The following DNAL4 variants were observed in gnomAD, a reference collection of about 807,000 sequenced individuals.
The protein encoded by DNAL4 is dynein axonemal light chain 4.
Under a neutral mutation model 12.6 loss-of-function variants are expected in DNAL4, and 10 were observed. The ratio of observed to expected loss-of-function variants is 0.79; its 90% CI spans 0.49 to 1.34. The LOEUF (loss-of-function observed/expected upper bound fraction) is 1.34. Among genes scored for constraint, DNAL4 ranks in the 40% most tolerant of loss-of-function variants. DNAL4 has a pLI of 0.00. For synonymous variants in DNAL4, 46 were observed against 53.1 expected (o/e 0.87, Z 0.58); for missense variants, 128 against 138.1 (o/e 0.93, Z 0.37).
intron 2 of DNAL4, among the ~76,000 whole-genome samples, chr22:38,781,823 A>C (rs1230790919): frequency 6.6e-6 from 1 of 152,062 alleles, no homozygotes; most frequent in Admixed American, 6.5e-5. Context: ...GGAACACCCT[A>C]AACCCGACCG....
intron 1 of DNAL4, among the ~76,000 whole-genome samples, chr22:38,791,682 G>A (rs1271660362): frequency 1.4e-5 from 2 of 139,546 alleles, no homozygotes; most frequent in Non-Finnish European, 3.1e-5. Flanking sequence ...GTGAGCCACT[G>A]CGCCCAGCCT....
chr22:38,793,791 G>C (rs934025456), intron 1 of DNAL4, among the ~76,000 whole-genome samples: 1 of 152,028 alleles, frequency 6.6e-6, no homozygotes, highest in Non-Finnish European at 1.5e-5. Context: ...GCTAAAGGGG[G>C]ACGCGGGACC....
At chr22:38,784,985 C>CCGG (rs916672424) in intron 1 of DNAL4, among the ~76,000 whole-genome samples, 3 of 150,428 alleles carry the variant, frequency 2.0e-5, no homozygotes, top group Admixed American at 2.0e-4. Flanking sequence ...ACCCCCCCCC[C>CCGG]CATCCAATGA....
Position 38,779,393 on chromosome 22 carries a change from A to C in DNAL4, c.*56T>G, listed in dbSNP as rs1282234768. ...CAGGACCTGCCTAGGGCTGCTCCCC[A>C]CCCCAGATGAGTGGCAGGAAAAGGC... is the stretch of plus-strand genomic sequence containing the variant. On this transcript the variant is annotated 3_prime_UTR_variant, in exon 4 of 4. Transcript: ENST00000216068. The surrounding 1 kb of genome is among the most constrained non-coding windows in gnomAD (Gnocchi z 4.3). 3 of 1,524,310 alleles carry C rather than the reference A, an allele frequency of 2.0e-6. No homozygotes were observed. The African/African-American group carries it at 4.2e-5, about 21-fold the overall frequency. 94.4% of individuals were successfully genotyped at this position (1,524,310 alleles called of 1,614,324 possible).
chr22:38,787,240 CT>C (rs1280987357), intron 1 of DNAL4, among the ~76,000 whole-genome samples: 1 of 150,596 alleles, frequency 6.6e-6, no homozygotes, highest in African/African-American at 2.4e-5. Flanking sequence ...TTCTTTCTTT[CT>C]TTCTTTTTTT....
intron 1 of DNAL4, chr22:38,785,955 C>A (rs2093041584): frequency 6.6e-6 from 1 of 152,176 alleles, no homozygotes; most frequent in South Asian, 2.1e-4. Context: ...AGGGCCCTGA[C>A]TACAAAGAGC....
intron 1 of DNAL4, among the ~76,000 whole-genome samples, chr22:38,787,537 T>C (rs888980406): frequency 2.0e-5 from 3 of 152,148 alleles, no homozygotes; most frequent in Non-Finnish European, 4.4e-5. Context: ...CCACTGCACC[T>C]GGCAGCCTCA....
chr22:38,782,658 C>T lies in DNAL4; in HGVS notation c.69+5G>A. ...GCAGTCCTGCCTCCCTCCCCTGGGG[C>T]TTACCCTGACCAGAGGGAAGGTCTG... On this transcript the variant is annotated splice_donor_5th_base_variant and intron_variant, in intron 2 of 3. Transcript: ENST00000216068. This position sits in a 1 kb window ranked among gnomAD's most constrained non-coding sequence, Gnocchi z 5.1. 6.2e-7 allele frequency: 1 copy of T among 1,613,068 alleles called. No individual in the cohort carries two copies. The highest frequency in any genetic ancestry group is 8.5e-7 in the Non-Finnish European group (1 of 1,179,750).
intron 3 of DNAL4, 116 bp downstream of exon 3, chr22:38,780,810 G>T: frequency 9.9e-7 from 1 of 1,008,230 alleles, no homozygotes; most frequent in Non-Finnish European, 1.5e-6. Context: ...TCCAAGGAAG[G>T]CTCTGGCCTC....
chr22:38,782,716 C>T lies in DNAL4; in HGVS notation c.16G>A (p.Gly6Arg), dbSNP rs150096420. 22 of 1,613,386 alleles carry T rather than the reference C, an allele frequency of 1.4e-5. No homozygotes were observed. The highest frequency in any genetic ancestry group is 2.2e-5 in the East Asian group (1 of 44,766). The change falls in exon 2 of 4, where the codon GGG becomes AGG. Residue 6 changes from glycine to arginine, a missense_variant. Coordinates refer to ENST00000216068, the MANE Select transcript of DNAL4 (RefSeq NM_005740.3). The surrounding 1 kb of genome is among the most constrained non-coding windows in gnomAD (Gnocchi z 5.1). Reference sequence around the variant, plus strand: ...TTATAATCAGCCTCATCTTTCTTCCCTTCTGTTTCTCCCATGATCCTTCCA... The same window carrying T: ...TTATAATCAGCCTCATCTTTCTTCCTTTCTGTTTCTCCCATGATCCTTCCA... MGETEGKKDEADYKRL... is the reference protein window; with the variant it reads MGETERKKDEADYKRL...
chr22:38,782,641 G>T lies in DNAL4; in HGVS notation c.69+22C>A. 2 of 1,611,766 alleles carry T rather than the reference G, an allele frequency of 1.2e-6. No individual in the cohort carries two copies. Among genetic ancestry groups the T allele is most frequent in the Non-Finnish European group, 1.7e-6 (2 of 1,179,290 alleles). On this transcript the variant is annotated intron_variant, in intron 2 of 3. Transcript: ENST00000216068. This position sits in a 1 kb window ranked among gnomAD's most constrained non-coding sequence, Gnocchi z 5.1. ...CTGTGTGGGCCCTGCCGGCAGTCCT[G>T]CCTCCCTCCCCTGGGGCTTACCCTG...
At chr22:38,791,933 G>C (rs2146171446) in intron 1 of DNAL4, among the ~76,000 whole-genome samples, 1 of 150,968 alleles carries the variant, frequency 6.6e-6, no homozygotes, top group East Asian at 1.9e-4. Context: ...TCCATCGCCT[G>C]ACCTCAAGTG....
chr22:38,784,573 C>A (rs191434500), intron 1 of DNAL4, among the ~76,000 whole-genome samples: 1 of 150,296 alleles, frequency 6.7e-6, no homozygotes, highest in Non-Finnish European at 1.5e-5. Context: ...TGCAGTGGCA[C>A]GATGTCAGCT....
intron 2 of DNAL4, 145 bp from the exon 3 acceptor site, chr22:38,781,154 C>A: frequency 2.5e-6 from 2 of 794,760 alleles, no homozygotes; most frequent in South Asian, 3.2e-5. Flanking sequence ...CATCTCCTGA[C>A]TGAGGGCCTG....
In DNAL4 at chr22:38,782,868, G is replaced by T. The variant is rs1368995292; in HGVS notation, c.-137C>A. 8 of 745,696 alleles carry T rather than the reference G, an allele frequency of 1.1e-5. No homozygotes were observed. The highest frequency in any genetic ancestry group is 1.7e-5 in the Non-Finnish European group (8 of 475,808). 46.2% of individuals were successfully genotyped at this position (745,696 alleles called of 1,614,324 possible). A position where few individuals can be genotyped will look rare whatever the true frequency, so the allele number is the denominator to read the frequency against. On this transcript the variant is annotated splice_region_variant and 5_prime_UTR_variant, in exon 2 of 4. Transcript: ENST00000216068. This position sits in a 1 kb window ranked among gnomAD's most constrained non-coding sequence, Gnocchi z 5.1. ...AGCAGAAAATGTCTTTCCCCGGGGG[G>T]TGCTGCAGAAAACAGGAGAAACCAG...
At chr22:38,790,743 T>C (rs750063279) in intron 1 of DNAL4, among the ~76,000 whole-genome samples, 5 of 152,224 alleles carry the variant, frequency 3.3e-5, no homozygotes, top group African/African-American at 7.2e-5. Context: ...ACCTAGATGA[T>C]GTAGCCTACT....
intron 1 of DNAL4, among the ~76,000 whole-genome samples, chr22:38,793,698 G>A (rs774018406): frequency 1.7e-4 from 26 of 152,294 alleles, no homozygotes; most frequent in South Asian, 6.2e-4. Context: ...AGCCAAGAGC[G>A]GTCTGACCTA....
At chr22:38,780,388 G>A (rs914816281) in intron 3 of DNAL4, among the ~76,000 whole-genome samples, 6 of 152,224 alleles carry the variant, frequency 3.9e-5, no homozygotes, top group Non-Finnish European at 8.8e-5. Flanking sequence ...CTGAAGCCAG[G>A]ATCTGAACCT....
chr22:38,791,200 C>CTATAAAAGA (rs924308317), intron 1 of DNAL4, among the ~76,000 whole-genome samples: 7 of 151,498 alleles, frequency 4.6e-5, no homozygotes, highest in African/African-American at 1.7e-4. Context: ...TAAAAATATG[C>CTATAAAAGA]TATAAAAGAT....
Sources: gnomAD v4.1 joint callset for allele counts (sites outside exome capture counted in the v4.1 genomes callset) on GRCh38, gnomAD v4.1.1 for gene constraint, Gnocchi (gnomAD v3.1) non-coding constraint, MANE v1.5 for transcripts, NCBI Gene and HGNC (gene_info 2026-07-23, HGNC 2026-07-21) for gene names.